The following NAALADL2 variants were observed in gnomAD, a reference collection of about 807,000 sequenced individuals.
NAALADL2 encodes the protein N-acetylated alpha-linked acidic dipeptidase like 2.
In NAALADL2, 76 loss-of-function variants were observed where a neutral mutation model predicts 87.2. The observed-to-expected ratio is 0.87, with a 90% CI of 0.72 to 1.05. The LOEUF is 1.05. Among genes scored for constraint, NAALADL2 ranks in the 50% least tolerant of loss-of-function variants. The pLI, the probability that NAALADL2 is intolerant of heterozygous loss-of-function variation, is 0.00. For synonymous variants in NAALADL2, 354 were observed against 331.0 expected (o/e 1.07, Z -0.75); for missense variants, 1,089 against 945.8 (o/e 1.15, Z -1.99).
At chr3:174,710,077 G>A (rs1238436138) in intron 2 of NAALADL2, among the ~76,000 whole-genome samples, 3 of 152,130 alleles carry the variant, frequency 2.0e-5, no homozygotes, top group African/African-American at 4.8e-5. Flanking sequence ...GTGATTCTTA[G>A]TCCTCGGTGT....
intron 9 of NAALADL2, among the ~76,000 whole-genome samples, chr3:175,563,782 C>A (rs1174074857): frequency 6.6e-6 from 1 of 152,084 alleles, no homozygotes; most frequent in Non-Finnish European, 1.5e-5. Flanking sequence ...AAGGTAATGG[C>A]CCTTACACCT....
At position 174,550,567 on chromosome 3, in the gene NAALADL2, A is replaced by G. The variant is rs1376718536; in HGVS notation, c.-183-2A>G. The G allele has an allele frequency of 6.6e-6, 1 of 151,824 alleles. No individual in the cohort carries two copies. The highest frequency in any genetic ancestry group is 1.5e-5 in the Non-Finnish European group (1 of 67,920). 9.4% of individuals were successfully genotyped at this position (151,824 alleles called of 1,614,324 possible). ...AATTTTTTTTCCTTTTTTGTTTTTT[A>G]GGAGGCTGAGGGAAGAAAAGAATAA... On this transcript the variant is annotated splice_acceptor_variant, in intron 1 of 3. Coordinates refer to the NAALADL2 transcript ENST00000434257. LOFTEE classifies it low-confidence loss of function (5UTR_SPLICE).
At chr3:175,529,781 T>G (rs1423623789) in intron 9 of NAALADL2, among the ~76,000 whole-genome samples, 5 of 152,164 alleles carry the variant, frequency 3.3e-5, no homozygotes, top group Non-Finnish European at 5.9e-5. Context: ...GGATAAGGCA[T>G]TCCGTGAGTC....
chr3:174,486,410 C>T (rs1442135251), intron 1 of NAALADL2, among the ~76,000 whole-genome samples: 1 of 152,036 alleles, frequency 6.6e-6, no homozygotes, highest in South Asian at 2.1e-4. Flanking sequence ...ATGGCTGGGT[C>T]CCCCTAGTGC....
chr3:175,410,047 A>G (rs564503446), intron 5 of NAALADL2, among the ~76,000 whole-genome samples: 3 of 152,246 alleles, frequency 2.0e-5, no homozygotes, highest in African/African-American at 7.2e-5. Context: ...AGCTTTGGAA[A>G]GAGATAGGAA....
intron 2 of NAALADL2, among the ~76,000 whole-genome samples, chr3:175,099,475 C>A (rs1721749151): frequency 6.6e-6 from 1 of 152,054 alleles, no homozygotes; most frequent in Non-Finnish European, 1.5e-5. Context: ...ATTTTTGGTA[C>A]AAATATCTTC....
At chr3:175,075,313 A>G (rs961091430) in intron 1 of NAALADL2, among the ~76,000 whole-genome samples, 6 of 152,032 alleles carry the variant, frequency 3.9e-5, no homozygotes, top group African/African-American at 7.3e-5. Context: ...GATCTCTTTT[A>G]GTCTGCTTTA....
At chr3:174,893,317 C>CT (rs940976729) in intron 1 of NAALADL2, among the ~76,000 whole-genome samples, 10 of 143,064 alleles carry the variant, frequency 7.0e-5, no homozygotes, top group Admixed American at 6.5e-4. Context: ...TCAACCCCCC[C>CT]CCGCAAAAAG....
In NAALADL2 at chr3:175,379,011, G is replaced by A. The variant is rs138184452; in HGVS notation, c.1090+54686G>A. Among the ~76,000 whole-genome samples, 735 of 152,236 alleles carry A rather than the reference G, an allele frequency of 4.8e-3. 12 individuals are homozygous for A. Among genetic ancestry groups the A allele is most frequent in the Non-Finnish European group, 3.4e-3 (234 of 68,020 alleles). On this transcript the variant is annotated intron_variant, in intron 5 of 13. Transcript: ENST00000454872. ...TTTTATTGGTTGCATATTTTCAAGT[G>A]CCCAGCTTGTTTCTACCACTGGAGA...
intron 1 of NAALADL2, among the ~76,000 whole-genome samples, chr3:174,901,924 A>G (rs1732363308): frequency 6.6e-6 from 1 of 152,200 alleles, no homozygotes; most frequent in South Asian, 2.1e-4. Context: ...GAGACTGTAA[A>G]TGTTCTCTCA....
chr3:174,592,918 G>C lies in NAALADL2; in HGVS notation c.-115+42281G>C, dbSNP rs116258037. On this transcript the variant is annotated intron_variant, in intron 2 of 3. Coordinates refer to the NAALADL2 transcript ENST00000434257. ...CTATACAAGGTATGTGTGTGTGTGA[G>C]AGAGAGGGAGAAGAGAAAGAAAGAG... Among the ~76,000 whole-genome samples, 676 of 152,028 alleles carry C rather than the reference G, an allele frequency of 4.4e-3. 5 individuals are homozygous for C. Among genetic ancestry groups the C allele is most frequent in the African/African-American group, 0.016 (651 of 41,508 alleles).
At chr3:175,789,999 G>A (rs1168434651) in intron 13 of NAALADL2, among the ~76,000 whole-genome samples, 2 of 152,070 alleles carry the variant, frequency 1.3e-5, no homozygotes, top group Non-Finnish European at 2.9e-5. Flanking sequence ...GAAAGGAAAT[G>A]TAACAATTAT....
intron 2 of NAALADL2, among the ~76,000 whole-genome samples, chr3:175,217,783 T>C (rs1039008096): frequency 6.6e-6 from 1 of 152,198 alleles, no homozygotes; most frequent in Non-Finnish European, 1.5e-5. Flanking sequence ...AACAAGGATT[T>C]GGAGTAACAG....
At chr3:175,241,713 A>C (rs2109611192) in intron 3 of NAALADL2, among the ~76,000 whole-genome samples, 1 of 152,262 alleles carries the variant, frequency 6.6e-6, no homozygotes, top group East Asian at 1.9e-4. Flanking sequence ...AAGAGAACAG[A>C]AGCCTATTTT....
chr3:174,646,231 A>G (rs932976033), intron 2 of NAALADL2, among the ~76,000 whole-genome samples: 2 of 152,182 alleles, frequency 1.3e-5, no homozygotes, highest in East Asian at 3.9e-4. Context: ...GGACCATTCA[A>G]AAAGCCTGAT....
chr3:175,123,160 C>T (rs1480816401), intron 2 of NAALADL2, among the ~76,000 whole-genome samples: 1 of 151,906 alleles, frequency 6.6e-6, no homozygotes, highest in Non-Finnish European at 1.5e-5. Flanking sequence ...CCATAGCAGA[C>T]ATCTTTTAAA....
intron 4 of NAALADL2, among the ~76,000 whole-genome samples, chr3:175,294,651 C>T (rs1412625587): frequency 6.6e-6 from 1 of 152,154 alleles, no homozygotes; most frequent in Non-Finnish European, 1.5e-5. Flanking sequence ...TTAAAATTAT[C>T]TGTAGTTTCA....
intron 1 of NAALADL2, among the ~76,000 whole-genome samples, chr3:175,039,543 A>G (rs1245172873): frequency 6.6e-6 from 1 of 152,176 alleles, no homozygotes; most frequent in Non-Finnish European, 1.5e-5. Flanking sequence ...GTTATGTAGT[A>G]TAATTTTATG....
intron 1 of NAALADL2, among the ~76,000 whole-genome samples, chr3:174,970,320 G>A (rs143601465): frequency 3.9e-4 from 59 of 152,216 alleles, no homozygotes; most frequent in African/African-American, 1.3e-3. Flanking sequence ...CTATGTAAAT[G>A]GATGGTTATA....
Sources: gnomAD v4.1 joint callset for allele counts (sites outside exome capture counted in the v4.1 genomes callset) on GRCh38, gnomAD v4.1.1 for gene constraint, MANE v1.5 for transcripts, NCBI Gene and HGNC (gene_info 2026-07-23, HGNC 2026-07-21) for gene names.